The following NRXN3 variants were observed in gnomAD, a reference collection of about 807,000 sequenced individuals.
The protein encoded by NRXN3 is neurexin 3.
NRXN3 carries 32 observed loss-of-function variants against 137.6 expected under a neutral mutation model. That is an observed-to-expected ratio of 0.23 (90% confidence interval 0.18 to 0.31). NRXN3 has a LOEUF of 0.31. Among genes scored for constraint, NRXN3 ranks in the 10% least tolerant of loss-of-function variants. The pLI is 1.00. For synonymous variants in NRXN3, 798 were observed against 784.5 expected (o/e 1.02, Z -0.29); for missense variants, 1,574 against 2,062.5 (o/e 0.76, Z 4.59).
intron 15 of NRXN3, among the ~76,000 whole-genome samples, chr14:79,382,162 G>A (rs12888940): frequency 0.32 from 48,600 of 152,088 alleles, 8,623 homozygotes; most frequent in Middle Eastern, 0.52. Flanking sequence ...GGTAAAGCAC[G>A]TAGGACATCC....
chr14:78,176,453 A>C (rs1258068756), intron 1 of NRXN3, among the ~76,000 whole-genome samples: 1 of 149,496 alleles, frequency 6.7e-6, no homozygotes, highest in Non-Finnish European at 1.5e-5. Context: ...TACTATTATT[A>C]CCTGAGGAGA....
chr14:78,411,104 T>C (rs552428591), intron 4 of NRXN3, among the ~76,000 whole-genome samples: 2 of 152,350 alleles, frequency 1.3e-5, no homozygotes, highest in East Asian at 3.9e-4. Flanking sequence ...TTCAAACTCA[T>C]GCAAGCTTGG....
At chr14:79,490,735 G>T (rs1042263587) in intron 16 of NRXN3, among the ~76,000 whole-genome samples, 10 of 151,916 alleles carry the variant, frequency 6.6e-5, no homozygotes, top group African/African-American at 2.4e-4. Flanking sequence ...TAGAAGGAAT[G>T]AATAAAACTT....
At chr14:79,150,217 C>T (rs1568435512) in intron 15 of NRXN3, among the ~76,000 whole-genome samples, 1 of 151,936 alleles carries the variant, frequency 6.6e-6, no homozygotes, top group Non-Finnish European at 1.5e-5. Context: ...TCTTACTGAT[C>T]CCTATTGCCA....
intron 19 of NRXN3, among the ~76,000 whole-genome samples, chr14:79,709,071 G>A (rs1033300664): frequency 2.6e-5 from 4 of 152,090 alleles, no homozygotes; most frequent in South Asian, 2.1e-4. Context: ...TTTAATGTGT[G>A]TATACAGATC....
At chr14:78,255,030 G>A (rs2069310074) in intron 2 of NRXN3, among the ~76,000 whole-genome samples, 1 of 151,960 alleles carries the variant, frequency 6.6e-6, no homozygotes, top group South Asian at 2.1e-4. Flanking sequence ...GCTTAGGCAG[G>A]GCTGGAAGAT....
intron 15 of NRXN3, among the ~76,000 whole-genome samples, chr14:78,993,246 T>G (rs2153084324): frequency 6.6e-6 from 1 of 152,308 alleles, no homozygotes; most frequent in South Asian, 2.1e-4. Flanking sequence ...TGATTAAATC[T>G]GTTAAAAACA....
rs1235901446 is a variant in NRXN3, at chr14:78,612,069, T to G, written c.758-33051T>G. Reference sequence around the variant, plus strand: ...GGGGCATTTTGGTGGCCAACAGCTTTCTGTTTTGCAAAAGACCGTGGTACA... The same window carrying G: ...GGGGCATTTTGGTGGCCAACAGCTTGCTGTTTTGCAAAAGACCGTGGTACA... On this transcript the variant is annotated intron_variant, in intron 4 of 20. Transcript: ENST00000335750. Among the ~76,000 whole-genome samples, 12 of 152,332 alleles carry G rather than the reference T, an allele frequency of 7.9e-5. No homozygotes were observed. The South Asian group carries it at 1.9e-3, about 24-fold the overall frequency.
intron 15 of NRXN3, among the ~76,000 whole-genome samples, chr14:79,347,328 A>G (rs943562731): frequency 6.6e-6 from 1 of 152,050 alleles, no homozygotes; most frequent in African/African-American, 2.4e-5. Context: ...TTTCAGAAAG[A>G]TCTCATTAAA....
At chr14:78,267,430 A>G (rs1405441253) in intron 2 of NRXN3, among the ~76,000 whole-genome samples, 1 of 152,174 alleles carries the variant, frequency 6.6e-6, no homozygotes, top group African/African-American at 2.4e-5. Flanking sequence ...AGTGTCTCAC[A>G]TCTGTAATGC....
chr14:79,585,998 C>T (rs1443155006), intron 16 of NRXN3, among the ~76,000 whole-genome samples: 1 of 152,224 alleles, frequency 6.6e-6, no homozygotes, highest in Non-Finnish European at 1.5e-5. Flanking sequence ...GCATATGGTG[C>T]TCCCTCAAAT....
intron 10 of NRXN3, among the ~76,000 whole-genome samples, chr14:78,844,480 T>C (rs550875993): frequency 6.6e-6 from 1 of 152,218 alleles, no homozygotes; most frequent in East Asian, 1.9e-4. Flanking sequence ...TGCCTTTCCA[T>C]GATTGGGCAA....
rs567293426 is a variant in NRXN3 at position 78,835,123 on chromosome 14, A to T, written c.2275+24779A>T. 2.6e-5 allele frequency among the ~76,000 whole-genome samples: 4 copies of T among 152,238 alleles called. No homozygotes were observed. The South Asian group carries it at 8.3e-4, about 32-fold the overall frequency. On this transcript the variant is annotated intron_variant, in intron 10 of 20. Transcript: ENST00000335750. ...TCTGCTTTTTATCATATTATTGATCAGTCAGTCTTGGGCGTCTTAGGTTGG... is the reference window on the plus strand; with the variant it reads ...TCTGCTTTTTATCATATTATTGATCTGTCAGTCTTGGGCGTCTTAGGTTGG...
intron 4 of NRXN3, among the ~76,000 whole-genome samples, chr14:78,386,244 CTCTT>C (rs2089966562): frequency 6.6e-6 from 1 of 152,062 alleles, no homozygotes; most frequent in Admixed American, 6.6e-5. Flanking sequence ...CTTTTTCTTC[CTCTT>C]TCTCTCTTTG....
At chr14:79,854,205 GC>G (rs2099397705) in intron 20 of NRXN3, 8 of 951,206 alleles carry the variant, frequency 8.4e-6, no homozygotes, top group Non-Finnish European at 1.0e-5. Flanking sequence ...AAACATGCGG[GC>G]AATTTGTTGA....
Position 79,331,297 on chromosome 14 carries a change from A to G in NRXN3, c.3263-135924A>G, listed in dbSNP as rs60097338. 4.1e-3 allele frequency among the ~76,000 whole-genome samples: 630 copies of G among 152,300 alleles called. 7 individuals are homozygous for G. The highest frequency in any genetic ancestry group is 0.014 in the African/African-American group (593 of 41,564). ...GGTCCCATGCTTATGCACAAGGTAT[A>G]AAAGTTGCTTATATTCCTAACCTCT... is the stretch of plus-strand genomic sequence containing the variant. On this transcript the variant is annotated intron_variant, in intron 15 of 20. Coordinates refer to ENST00000335750, the MANE Select transcript of NRXN3 (RefSeq NM_001330195.2).
intron 15 of NRXN3, among the ~76,000 whole-genome samples, chr14:79,393,030 A>T (rs1204379012): frequency 1.3e-5 from 2 of 151,880 alleles, no homozygotes; most frequent in African/African-American, 4.8e-5. Flanking sequence ...ATGTGGAGAA[A>T]TAGGAACGCT....
intron 16 of NRXN3, among the ~76,000 whole-genome samples, chr14:79,508,533 G>T (rs1198609750): frequency 6.6e-6 from 1 of 151,492 alleles, no homozygotes; most frequent in African/African-American, 2.4e-5. Context: ...GGGATTACAG[G>T]TGCCTGCTAC....
chr14:78,866,907 C>T (rs547132653), intron 10 of NRXN3, among the ~76,000 whole-genome samples: 7 of 149,774 alleles, frequency 4.7e-5, no homozygotes, highest in Admixed American at 4.0e-4. Context: ...AAGCGATTCT[C>T]CTGCTTCAGC....
Sources: allele counts gnomAD v4.1 joint callset (sites outside exome capture counted in the v4.1 genomes callset), GRCh38; gene constraint gnomAD v4.1.1; transcripts MANE v1.5; gene names NCBI Gene and HGNC (gene_info 2026-07-23, HGNC 2026-07-21).